Variants in KCNIP4 observed in about 807,000 individuals in gnomAD.
KCNIP4 encodes potassium voltage-gated channel interacting protein 4.
KCNIP4 carries 12 observed loss-of-function variants against 34.0 expected under a neutral mutation model. That is an observed-to-expected ratio of 0.35 (90% CI 0.23 to 0.57). The LOEUF (loss-of-function observed/expected upper bound fraction) is 0.57. KCNIP4 is among the 20% of genes least tolerant of loss of function. KCNIP4 has a pLI of 0.83. For missense variants in KCNIP4, 238 were observed against 311.7 expected, an observed-to-expected ratio of 0.76 and a Z score of 1.78; for synonymous variants, 124 against 102.2, an observed-to-expected ratio of 1.21 and a Z score of -1.29.
intron 1 of KCNIP4, among the ~76,000 whole-genome samples, chr4:21,578,604 G>T (rs1740944837): frequency 6.6e-6 from 1 of 152,066 alleles, no homozygotes; most frequent in African/African-American, 2.4e-5. Flanking sequence ...GAATGACCAA[G>T]ACTGCATTAG....
intron 3 of KCNIP4, among the ~76,000 whole-genome samples, chr4:20,767,879 T>C (rs1194954536): frequency 6.6e-6 from 1 of 152,236 alleles, no homozygotes; most frequent in African/African-American, 2.4e-5. Flanking sequence ...CCTTTCATGA[T>C]ACCTGTAATG....
At chr4:21,585,195 G>A (rs887201719) in intron 1 of KCNIP4, among the ~76,000 whole-genome samples, 1 of 152,022 alleles carries the variant, frequency 6.6e-6, no homozygotes, top group Non-Finnish European at 1.5e-5. Context: ...GTGCTATGAG[G>A]TGGGTGTTGT....
intron 1 of KCNIP4, among the ~76,000 whole-genome samples, chr4:21,832,803 A>G (rs1465244243): frequency 7.2e-6 from 1 of 138,308 alleles, no homozygotes; most frequent in African/African-American, 2.7e-5. Flanking sequence ...ATGGGTTCTC[A>G]TTGTTCAATT....
rs192318576 is a variant in KCNIP4, at chr4:21,916,806, A to C, written c.61+31765T>G. On this transcript the variant is annotated intron_variant, in intron 1 of 8. Coordinates refer to ENST00000382152, the MANE Select transcript of KCNIP4 (RefSeq NM_025221.6). The stretch of plus-strand genomic sequence containing the variant: ...TTCTGTCTCCAGCAGAATTGGGGCC[A>C]ATCAAGAGTTAGGATGCTCCTTCTT... Among the ~76,000 whole-genome samples, 312 of 152,302 alleles carry C rather than the reference A, an allele frequency of 2.0e-3. 2 individuals are homozygous for C. Among genetic ancestry groups the C allele is most frequent in the Middle Eastern group, 6.8e-3 (2 of 294 alleles).
intron 1 of KCNIP4, among the ~76,000 whole-genome samples, chr4:21,862,622 T>C (rs1416157815): frequency 6.6e-6 from 1 of 152,184 alleles, no homozygotes; most frequent in East Asian, 1.9e-4. Context: ...TCTTGATCAC[T>C]GATGATTCCC....
intron 1 of KCNIP4, among the ~76,000 whole-genome samples, chr4:21,616,646 T>C (rs1017183860): frequency 5.9e-5 from 9 of 152,204 alleles, no homozygotes; most frequent in Admixed American, 3.3e-4. Context: ...TTCTAGTCTC[T>C]GTGGTTTGCT....
chr4:20,905,128 T>A (rs1055184325), intron 1 of KCNIP4, among the ~76,000 whole-genome samples: 4 of 152,176 alleles, frequency 2.6e-5, no homozygotes, highest in African/African-American at 7.2e-5. Context: ...ACAGACCAGG[T>A]GGCTTAAACA....
At chr4:21,637,253 A>C (rs1484654080) in intron 1 of KCNIP4, among the ~76,000 whole-genome samples, 1 of 152,162 alleles carries the variant, frequency 6.6e-6, no homozygotes, top group East Asian at 1.9e-4. Flanking sequence ...TTAATTTTAA[A>C]GACGAGGAAC....
intron 1 of KCNIP4, among the ~76,000 whole-genome samples, chr4:21,407,048 T>C (rs1180836052): frequency 6.6e-6 from 1 of 152,156 alleles, no homozygotes; most frequent in Non-Finnish European, 1.5e-5. Context: ...ACATTCAAAG[T>C]TCAACATAGA....
chr4:21,111,751 A>G (rs935656999), intron 1 of KCNIP4, among the ~76,000 whole-genome samples: 1 of 152,132 alleles, frequency 6.6e-6, no homozygotes, highest in Non-Finnish European at 1.5e-5. Flanking sequence ...CGACCAGAAG[A>G]GTTATTGCAG....
intron 1 of KCNIP4, among the ~76,000 whole-genome samples, chr4:20,907,009 T>C: frequency 6.6e-6 from 1 of 152,196 alleles, no homozygotes; most frequent in Non-Finnish European, 1.5e-5. Flanking sequence ...CTTCAGCATA[T>C]AGAACAGTTT....
intron 1 of KCNIP4, among the ~76,000 whole-genome samples, chr4:21,289,455 A>AT (rs940415879): frequency 3.9e-5 from 6 of 152,138 alleles, no homozygotes; most frequent in East Asian, 1.9e-4. Context: ...CAAAGCAAGG[A>AT]TTTTTTTTCT....
Position 21,150,786 on chromosome 4 carries a change from C to T in KCNIP4, c.62-268077G>A, listed in dbSNP as rs527787704. ...AAAAATGGACCTAAATTCAGACTAT[C>T]GGTCTTAATATGCATCTAATGAAGA... On this transcript the variant is annotated intron_variant, in intron 1 of 8. Coordinates refer to ENST00000382152, the MANE Select transcript of KCNIP4 (RefSeq NM_025221.6). Among the ~76,000 whole-genome samples the T allele has an allele frequency of 8.5e-5, 13 of 152,280 alleles. No homozygotes were observed. The South Asian group carries it at 2.3e-3, about 27-fold the overall frequency.
intron 1 of KCNIP4, among the ~76,000 whole-genome samples, chr4:21,474,136 G>A (rs1335050613): frequency 1.3e-5 from 2 of 152,064 alleles, no homozygotes; most frequent in Admixed American, 1.3e-4. Context: ...TCAGACAAAT[G>A]GCAGAATCCT....
intron 1 of KCNIP4, among the ~76,000 whole-genome samples, chr4:21,506,665 A>G (rs1258306055): frequency 6.6e-6 from 1 of 152,240 alleles, no homozygotes; most frequent in East Asian, 1.9e-4. Context: ...GGGTAAAACT[A>G]TGTAATTAAG....
chr4:21,549,155 G>A lies in KCNIP4; in HGVS notation c.61+399416C>T, dbSNP rs967267044. On this transcript the variant is annotated intron_variant, in intron 1 of 8. Coordinates refer to ENST00000382152, the MANE Select transcript of KCNIP4 (RefSeq NM_025221.6). ...TACATTCCTTCTTCCAATAATAGAT[G>A]CTAATCACAAGCACACAAGATAGCC... is the stretch of plus-strand genomic sequence containing the variant. Among the ~76,000 whole-genome samples the A allele has an allele frequency of 2.6e-5, 4 of 152,036 alleles. No homozygotes were observed. In the South Asian group the frequency reaches 6.2e-4, roughly 24 times the overall value.
chr4:21,328,413 GAAAC>G (rs1371314217), intron 1 of KCNIP4, among the ~76,000 whole-genome samples: 2 of 152,236 alleles, frequency 1.3e-5, no homozygotes, highest in South Asian at 4.2e-4. Context: ...AACTTTCTCT[GAAAC>G]AAACAGAGTC....
At chr4:21,212,873 A>G (rs1178665683) in intron 1 of KCNIP4, among the ~76,000 whole-genome samples, 2 of 152,208 alleles carry the variant, frequency 1.3e-5, no homozygotes, top group African/African-American at 2.4e-5. Context: ...CCACTGCAAT[A>G]TCTAAAAATC....
At chr4:21,533,617 G>A (rs1027823306) in intron 1 of KCNIP4, among the ~76,000 whole-genome samples, 2 of 151,968 alleles carry the variant, frequency 1.3e-5, no homozygotes, top group Non-Finnish European at 1.5e-5. Flanking sequence ...TTATTTGTGG[G>A]GTAAGTATGG....
Sources: allele counts gnomAD v4.1 joint callset (sites outside exome capture counted in the v4.1 genomes callset), GRCh38; gene constraint gnomAD v4.1.1; transcripts MANE v1.5; gene names NCBI Gene and HGNC (gene_info 2026-07-23, HGNC 2026-07-21).